CALN1: variants seen among roughly 807,000 people sequenced by gnomAD.
CALN1 encodes calneuron 1.
Under a neutral mutation model 30.6 loss-of-function variants are expected in CALN1, and 17 were observed. That is an observed-to-expected ratio of 0.56 (90% confidence interval 0.38 to 0.83). CALN1 has a LOEUF of 0.83. CALN1 is among the 40% of genes least tolerant of loss of function. The probability of loss-of-function intolerance (pLI) is 0.00; values close to 1 mark genes in which losing one functional copy is unlikely to be tolerated. For synonymous variants in CALN1, 156 were observed against 131.4 expected (o/e 1.19, Z -1.28); for missense variants, 291 against 354.9 (o/e 0.82, Z 1.45).
At chr7:71,999,108 T>C (rs1472028300) in intron 5 of CALN1, among the ~76,000 whole-genome samples, 1 of 152,096 alleles carries the variant, frequency 6.6e-6, no homozygotes, top group East Asian at 1.9e-4. Context: ...GACTTCAAAT[T>C]CAACAACATA....
chr7:72,442,219 T>C (rs1316556060), intron 1 of CALN1, among the ~76,000 whole-genome samples: 1 of 152,200 alleles, frequency 6.6e-6, no homozygotes, highest in African/African-American at 2.4e-5. Context: ...CTGACCTTCC[T>C]GTTCCCACCT....
At chr7:72,121,288 A>G (rs926556709) in intron 3 of CALN1, among the ~76,000 whole-genome samples, 1 of 142,862 alleles carries the variant, frequency 7.0e-6, no homozygotes, top group African/African-American at 2.6e-5. Flanking sequence ...AATAATATAT[A>G]AATTATATAA....
At chr7:71,971,953 A>AAAAAAAAAAAAAAAAG (rs1797839188) in intron 5 of CALN1, among the ~76,000 whole-genome samples, 1 of 72,840 alleles carries the variant, frequency 1.4e-5, no homozygotes, top group Non-Finnish European at 2.2e-5. Flanking sequence ...AAAAAAAAAA[A>AAAAAAAAAAAAAAAAG]AAAGAAAGAA....
At chr7:72,134,433 C>A in intron 3 of CALN1, among the ~76,000 whole-genome samples, 1 of 152,172 alleles carries the variant, frequency 6.6e-6, no homozygotes, top group South Asian at 2.1e-4. Context: ...TTCAGACACA[C>A]CTCAAAGATA....
intron 4 of CALN1, among the ~76,000 whole-genome samples, chr7:72,092,136 CTT>C (rs1026593237): frequency 6.6e-6 from 1 of 152,038 alleles, no homozygotes; most frequent in Non-Finnish European, 1.5e-5. Flanking sequence ...AATATGCTAT[CTT>C]TGTGAATTTG....
Position 72,004,804 on chromosome 7 carries a change from A to G in CALN1, c.501+18853T>C, listed in dbSNP as rs549891879. On this transcript the variant is annotated intron_variant, in intron 5 of 6. Coordinates refer to ENST00000395275, the MANE Select transcript of CALN1 (RefSeq NM_031468.4). ...ACTTCTCAAAACTCAAGAGCAAAAC[A>G]AAACAAAACACAAAAACAACTAACC... Among the ~76,000 whole-genome samples the G allele has an allele frequency of 2.6e-5, 4 of 152,358 alleles. No individual in the cohort carries two copies. The South Asian group carries it at 8.3e-4, about 32-fold the overall frequency.
At chr7:71,862,325 A>G (rs987432854) in intron 5 of CALN1, among the ~76,000 whole-genome samples, 4 of 152,240 alleles carry the variant, frequency 2.6e-5, no homozygotes, top group African/African-American at 4.8e-5. Flanking sequence ...TGTAGCTCCC[A>G]TAATTCCCAC....
chr7:71,919,927 G>C (rs1323068045), intron 5 of CALN1, among the ~76,000 whole-genome samples: 1 of 152,154 alleles, frequency 6.6e-6, no homozygotes, highest in African/African-American at 2.4e-5. Context: ...CCTGAGCCTG[G>C]TTCTGAGAGG....
chr7:72,289,772 T>G (rs1436075077), intron 2 of CALN1, among the ~76,000 whole-genome samples: 1 of 152,034 alleles, frequency 6.6e-6, no homozygotes, highest in African/African-American at 2.4e-5. Flanking sequence ...CTTATTTCAT[T>G]GTAAGTTCAT....
intron 5 of CALN1, among the ~76,000 whole-genome samples, chr7:71,869,190 T>A (rs1424876953): frequency 6.6e-6 from 1 of 152,060 alleles, no homozygotes; most frequent in East Asian, 1.9e-4. Flanking sequence ...TACATTCAAC[T>A]TTTTCAAGAC....
At chr7:72,444,692 C>T (rs1808467702) in intron 1 of CALN1, among the ~76,000 whole-genome samples, 1 of 152,154 alleles carries the variant, frequency 6.6e-6, no homozygotes, top group Non-Finnish European at 1.5e-5. Context: ...TGACTTAACT[C>T]AAGGCAGCTG....
chr7:71,830,659 T>C (rs116882665), intron 5 of CALN1, among the ~76,000 whole-genome samples: 193 of 152,246 alleles, frequency 1.3e-3, no homozygotes, highest in African/African-American at 4.1e-3. Context: ...ATGAATAAGT[T>C]CTTAGTAGTA....
At chr7:72,307,034 G>A (rs374499825) in intron 2 of CALN1, among the ~76,000 whole-genome samples, 4 of 152,332 alleles carry the variant, frequency 2.6e-5, no homozygotes, top group East Asian at 3.9e-4. Context: ...TAACTAGGTC[G>A]ACAGCAAATA....
intron 3 of CALN1, among the ~76,000 whole-genome samples, chr7:72,224,222 TAGG>T (rs1427303956): frequency 6.6e-6 from 1 of 152,136 alleles, no homozygotes; most frequent in African/African-American, 2.4e-5. Flanking sequence ...TAAAATCTTC[TAGG>T]AGAATTAAAA....
chr7:71,861,224 G>A (rs539609173), intron 5 of CALN1, among the ~76,000 whole-genome samples: 1 of 152,124 alleles, frequency 6.6e-6, no homozygotes, highest in Non-Finnish European at 1.5e-5. Flanking sequence ...GCAAGTATAA[G>A]CTGACCGATA....
chr7:72,448,959 C>A (rs1395568232), upstream of CALN1, among the ~76,000 whole-genome samples: 1 of 151,998 alleles, frequency 6.6e-6, no homozygotes, highest in Non-Finnish European at 1.5e-5. Context: ...TAAATCCAGC[C>A]AATTGGTGCT....
chr7:72,217,901 G>A (rs1792959816), intron 3 of CALN1, among the ~76,000 whole-genome samples: 1 of 137,916 alleles, frequency 7.3e-6, no homozygotes, highest in African/African-American at 2.8e-5. Context: ...GGACTGCAGT[G>A]GCACTATCTC....
chr7:72,078,716 A>C (rs1042857575), intron 4 of CALN1, among the ~76,000 whole-genome samples: 1 of 152,086 alleles, frequency 6.6e-6, no homozygotes, highest in Non-Finnish European at 1.5e-5. Context: ...CGGGCAGACC[A>C]CCTGAGGTCA....
rs78052185 is a variant in CALN1, at chr7:71,998,242, C to T, written c.501+25415G>A. Among the ~76,000 whole-genome samples the T allele has an allele frequency of 3.9e-3, 589 of 152,102 alleles. 3 individuals are homozygous for T. The highest frequency in any genetic ancestry group is 1.0e-2 in the South Asian group (48 of 4,812). ...TGATCAGATTTACCCTTAAAAACTG[C>T]CCTAAAAGAAGTTCTTCAAACAGAA... On this transcript the variant is annotated intron_variant, in intron 5 of 6. Transcript: ENST00000395275.
Sources: gnomAD v4.1 joint callset for allele counts (sites outside exome capture counted in the v4.1 genomes callset) on GRCh38, gnomAD v4.1.1 for gene constraint, MANE v1.5 for transcripts, NCBI Gene and HGNC (gene_info 2026-07-23, HGNC 2026-07-21) for gene names.